The following AGO2 variants were observed in gnomAD, a reference collection of about 807,000 sequenced individuals.
The protein encoded by AGO2 is argonaute RISC catalytic component 2, also known as protein argonaute-2.
In AGO2, 5 loss-of-function variants were observed where a neutral mutation model predicts 102.3. The observed-to-expected ratio is 0.05, with a 90% CI of 0.03 to 0.10. The LOEUF is 0.10. Ranked by LOEUF, AGO2 falls within the 10% of genes least tolerant of loss-of-function variation. The pLI is 1.00. For missense variants in AGO2, 541 were observed against 1,183.7 expected (o/e 0.46, Z 7.97); for synonymous variants, 449 against 473.1 (o/e 0.95, Z 0.66).
intron 2 of AGO2, among the ~76,000 whole-genome samples, chr8:140,575,437 A>G (rs2073449514): frequency 6.6e-6 from 1 of 152,004 alleles, no homozygotes. Context: ...CTCTCCAAAC[A>G]TTACAAAGGG....
rs1359085318 is a variant in AGO2 at position 140,589,128 on chromosome 8, A to G, written c.23-3817T>C. 6.6e-6 allele frequency among the ~76,000 whole-genome samples: 1 copy of G among 152,116 alleles called. No individual in the cohort carries two copies. The highest frequency in any genetic ancestry group is 2.4e-5 in the African/African-American group (1 of 41,428). On this transcript the variant is annotated intron_variant, in intron 1 of 18. Transcript: ENST00000220592. This position sits in a 1 kb window ranked among gnomAD's most constrained non-coding sequence, Gnocchi z 4.2. Reference sequence around the variant, plus strand: ...TCCTTTCGGAGTTGGCTCCTCCCCGACTTTTCAGGGAGGGATGTGGAGCAG... The same window carrying G: ...TCCTTTCGGAGTTGGCTCCTCCCCGGCTTTTCAGGGAGGGATGTGGAGCAG...
chr8:140,560,003 G>A (rs2073170321), intron 5 of AGO2, among the ~76,000 whole-genome samples: 1 of 152,184 alleles, frequency 6.6e-6, no homozygotes, highest in African/African-American at 2.4e-5. Flanking sequence ...TTTTCACAGA[G>A]AGGGCAGCGG....
chr8:140,590,535 C>T (rs1057503227), intron 1 of AGO2, among the ~76,000 whole-genome samples: 3 of 152,196 alleles, frequency 2.0e-5, no homozygotes, highest in South Asian at 2.1e-4. Flanking sequence ...CGAAAACAGA[C>T]GCCGAGGAAG....
At chr8:140,609,750 T>C (rs1035769144) in intron 1 of AGO2, among the ~76,000 whole-genome samples, 3 of 152,084 alleles carry the variant, frequency 2.0e-5, no homozygotes, top group Non-Finnish European at 4.4e-5. Context: ...AGACATCAAC[T>C]GTACAAACAA....
intron 13 of AGO2, 90 bp from the exon 14 acceptor site, chr8:140,544,393 C>T: frequency 2.8e-6 from 3 of 1,055,728 alleles, no homozygotes; most frequent in Non-Finnish European, 4.2e-6. Context: ...TGGAGGTGGT[C>T]AGTGTATCAT....
At chr8:140,581,371 G>A (rs962199325) in intron 2 of AGO2, among the ~76,000 whole-genome samples, 9 of 152,202 alleles carry the variant, frequency 5.9e-5, no homozygotes, top group South Asian at 4.1e-4. Context: ...AAAATTAGCC[G>A]GGTGTGGTGG....
intron 1 of AGO2, among the ~76,000 whole-genome samples, chr8:140,596,101 G>A (rs956407933): frequency 7.4e-5 from 11 of 148,054 alleles, no homozygotes; most frequent in African/African-American, 2.8e-4. Context: ...CTCCTGCCTC[G>A]GCCTCCCAAA....
intron 1 of AGO2, among the ~76,000 whole-genome samples, chr8:140,629,258 T>C (rs1029954987): frequency 1.3e-5 from 2 of 152,164 alleles, no homozygotes; most frequent in African/African-American, 4.8e-5. Flanking sequence ...GCTCCGGCTG[T>C]CACTGCAGGC....
intron 1 of AGO2, among the ~76,000 whole-genome samples, chr8:140,602,457 G>A (rs970551500): frequency 1.3e-5 from 2 of 152,148 alleles, no homozygotes; most frequent in African/African-American, 4.8e-5. Flanking sequence ...GTGAAAAGAA[G>A]TACTGTTCCA....
chr8:140,632,690 G>T (rs562952966), intron 1 of AGO2, among the ~76,000 whole-genome samples: 53 of 152,268 alleles, frequency 3.5e-4, no homozygotes, highest in African/African-American at 1.3e-3. Flanking sequence ...CAAGGTCATT[G>T]GAGAATCCAC....
At chr8:140,569,611 A>T (rs892771364) in intron 3 of AGO2, among the ~76,000 whole-genome samples, 8 of 152,306 alleles carry the variant, frequency 5.3e-5, no homozygotes, top group African/African-American at 1.9e-4. Flanking sequence ...ATGGAGCTGG[A>T]CCCAGAGCCA....
intron 2 of AGO2, among the ~76,000 whole-genome samples, chr8:140,575,420 C>A (rs1191791188): frequency 6.6e-6 from 1 of 152,184 alleles, no homozygotes; most frequent in Non-Finnish European, 1.5e-5. Context: ...CAGCTCATTC[C>A]TCTGCACTCT....
chr8:140,573,457 C>T (rs530932377), intron 2 of AGO2, among the ~76,000 whole-genome samples: 172 of 152,174 alleles, frequency 1.1e-3, no homozygotes, highest in East Asian at 4.8e-3. Flanking sequence ...GAATTACAGG[C>T]GTGAGCCACC....
chr8:140,524,671 C>G lies in AGO2; in HGVS notation c.*7373G>C, dbSNP rs989626989. 1 of 152,336 alleles carries G rather than the reference C, an allele frequency of 6.6e-6. No individual in the cohort carries two copies. The highest frequency in any genetic ancestry group is 1.5e-5 in the Non-Finnish European group (1 of 68,148). The allele number at this position is 152,336 out of a possible 1,614,324, so 9.4% of individuals were successfully genotyped here. On this transcript the variant is annotated 3_prime_UTR_variant, in exon 19 of 19. Coordinates refer to ENST00000220592, the MANE Select transcript of AGO2 (RefSeq NM_012154.5). ...CTTCCAGAACGCGATCAGGCTGGCACTGATGGAGACAGAGGAAGGCCTTGG... is the reference window on the plus strand; with the variant it reads ...CTTCCAGAACGCGATCAGGCTGGCAGTGATGGAGACAGAGGAAGGCCTTGG...
chr8:140,537,009 G>A (rs936890072), intron 16 of AGO2, among the ~76,000 whole-genome samples: 6 of 152,214 alleles, frequency 3.9e-5, no homozygotes, highest in Admixed American at 6.5e-5. Context: ...GGACATTCTC[G>A]ATTGTGTTAG....
At chr8:140,591,993 A>ACCTGCAGTCCCAGCTATCT (rs1343514121) in intron 1 of AGO2, 1 of 151,948 alleles carries the variant, frequency 6.6e-6, no homozygotes, top group Non-Finnish European at 1.5e-5. Flanking sequence ...GGTGGCAGGC[A>ACCTGCAGTCCCAGCTATCT]CCTGCAGTCC....
At position 140,567,285 on chromosome 8, in the gene AGO2, A is replaced by G. The variant is rs570174629; in HGVS notation, c.337-4651T>C. On this transcript the variant is annotated intron_variant, in intron 3 of 18. Transcript: ENST00000220592. The surrounding 1 kb of genome is among the most constrained non-coding windows in gnomAD (Gnocchi z 5.0). ...CTCGTGTGTGGCAGCTTAGGGCTGC[A>G]TGGAGATTTTACGACGGCCATCACG... Among the ~76,000 whole-genome samples, 4 of 152,348 alleles carry G rather than the reference A, an allele frequency of 2.6e-5. No individual in the cohort carries two copies. The highest frequency in any genetic ancestry group is 2.1e-4 in the South Asian group (1 of 4,830).
chr8:140,558,689 G>T (rs903095846), intron 6 of AGO2, 117 bp from the exon 7 acceptor site: 2 of 1,108,716 alleles, frequency 1.8e-6, no homozygotes, highest in Non-Finnish European at 2.7e-6. Flanking sequence ...ATGGGGGGCT[G>T]CAGGGCTCCC....
At chr8:140,544,173 G>C in intron 14 of AGO2, 40 bp downstream of exon 14, 3 of 1,540,680 alleles carry the variant, frequency 1.9e-6, no homozygotes, top group Non-Finnish European at 2.6e-6. Flanking sequence ...CGTCCTGCAT[G>C]TTGTCAATGG....
Sources: allele counts gnomAD v4.1 joint callset (sites outside exome capture counted in the v4.1 genomes callset), GRCh38; gene constraint gnomAD v4.1.1; non-coding constraint Gnocchi (gnomAD v3.1); transcripts MANE v1.5; gene names NCBI Gene and HGNC (gene_info 2026-07-23, HGNC 2026-07-21).